NBAS: variants seen among roughly 807,000 people sequenced by gnomAD.
NBAS encodes the protein NBAS subunit of NRZ tethering complex.
NBAS carries 219 observed loss-of-function variants against 302.5 expected under a neutral mutation model. That is an observed-to-expected ratio of 0.72 (90% CI 0.65 to 0.81). NBAS has a LOEUF of 0.81. Ranked by LOEUF, NBAS falls within the 30% of genes least tolerant of loss-of-function variation. The pLI, the probability that NBAS is intolerant of heterozygous loss-of-function variation, is 0.00. For synonymous variants in NBAS, 1,118 were observed against 1,021.6 expected, an observed-to-expected ratio of 1.09 and a Z score of -1.80; for missense variants, 2,932 against 2,841.6, an observed-to-expected ratio of 1.03 and a Z score of -0.72.
intron 44 of NBAS, among the ~76,000 whole-genome samples, chr2:15,243,355 G>T (rs1667947670): frequency 6.6e-6 from 1 of 152,064 alleles, no homozygotes. Context: ...AACAATTAAG[G>T]AGAACATGGG....
chr2:14,788,573 T>G, the NBAS span, among the ~76,000 whole-genome samples: 1 of 152,178 alleles, frequency 6.6e-6, no homozygotes, highest in Non-Finnish European at 1.5e-5. Context: ...TGTTGGAGTT[T>G]GCTAGAGGTC....
the NBAS span, among the ~76,000 whole-genome samples, chr2:14,849,164 G>A: frequency 4.2e-5 from 6 of 141,336 alleles, no homozygotes; most frequent in Admixed American, 4.3e-4. Context: ...AGGCAAAGAA[G>A]TTGAAAACTT....
chr2:15,376,754 A>G (rs1202816108), intron 30 of NBAS, among the ~76,000 whole-genome samples: 8 of 152,168 alleles, frequency 5.3e-5, no homozygotes, highest in African/African-American at 1.9e-4. Flanking sequence ...CTAATTAATA[A>G]ATAATACTTT....
chr2:15,086,401 T>G, the NBAS span, among the ~76,000 whole-genome samples: 1 of 152,240 alleles, frequency 6.6e-6, no homozygotes, highest in African/African-American at 2.4e-5. Context: ...TCCACTTGTC[T>G]GCATACCTCA....
the NBAS span, among the ~76,000 whole-genome samples, chr2:14,824,639 C>T: frequency 6.6e-6 from 1 of 152,112 alleles, no homozygotes; most frequent in Non-Finnish European, 1.5e-5. Flanking sequence ...CTAAGGAATC[C>T]TCCAGGTGAA....
intron 12 of NBAS, among the ~76,000 whole-genome samples, chr2:15,487,599 C>T (rs1050242500): frequency 2.6e-5 from 4 of 152,090 alleles, no homozygotes; most frequent in Non-Finnish European, 4.4e-5. Flanking sequence ...GAAATATATG[C>T]CCTATAAATC....
At chr2:15,508,357 G>A (rs993588571) in intron 10 of NBAS, among the ~76,000 whole-genome samples, 1 of 152,178 alleles carries the variant, frequency 6.6e-6, no homozygotes, top group African/African-American at 2.4e-5. Flanking sequence ...AGAATTCAAA[G>A]AAACTAAGGT....
chr2:15,549,051 T>TTA (rs1316074246), intron 6 of NBAS, among the ~76,000 whole-genome samples: 5 of 152,194 alleles, frequency 3.3e-5, no homozygotes, highest in Non-Finnish European at 7.3e-5. Context: ...GTAACAGTAA[T>TTA]TATAACAATA....
At chr2:15,268,420 G>T (rs1043474779) in intron 44 of NBAS, among the ~76,000 whole-genome samples, 1 of 152,102 alleles carries the variant, frequency 6.6e-6, no homozygotes, top group Non-Finnish European at 1.5e-5. Flanking sequence ...CAAAGGCGTG[G>T]TTTTTTTAAA....
the NBAS span, among the ~76,000 whole-genome samples, chr2:15,032,067 T>C: frequency 6.6e-6 from 1 of 152,194 alleles, no homozygotes. Context: ...GTCGAGTTGT[T>C]TCCTGACCAC....
Position 15,292,657 on chromosome 2 carries a change from T to C in NBAS, c.4907A>G (p.Asn1636Ser), listed in dbSNP as rs1234973742. Reference sequence around the variant, plus strand: ...CTGAGTGAAATCCAGGAGACGTTCATTGTAGCAGTGTAACTGCTTGGTCAG... The same window carrying C: ...CTGAGTGAAATCCAGGAGACGTTCACTGTAGCAGTGTAACTGCTTGGTCAG... ...ISLTKQLHCYNERLLDFTQAQ... is the reference protein window; with the variant it reads ...ISLTKQLHCYSERLLDFTQAQ... Residue 1636 changes from asparagine to serine, a missense_variant, in exon 41 of 52, where the codon AAT becomes AGT. Transcript: ENST00000281513. 8.7e-6 allele frequency: 14 copies of C among 1,614,064 alleles called. No individual in the cohort carries two copies. The highest frequency in any genetic ancestry group is 2.7e-5 in the African/African-American group (2 of 74,916).
At chr2:15,180,811 T>C (rs1397715903) in intron 50 of NBAS, among the ~76,000 whole-genome samples, 1 of 152,228 alleles carries the variant, frequency 6.6e-6, no homozygotes, top group African/African-American at 2.4e-5. Flanking sequence ...TTAGGCAGTA[T>C]GGCTGCTGGG....
intron 23 of NBAS, among the ~76,000 whole-genome samples, chr2:15,421,101 C>T (rs571318574): frequency 5.3e-5 from 8 of 151,870 alleles, no homozygotes; most frequent in Non-Finnish European, 1.2e-4. Context: ...AAGTTCAAGT[C>T]CGAAAGAATA....
the NBAS span, among the ~76,000 whole-genome samples, chr2:15,048,593 G>A: frequency 6.6e-6 from 1 of 152,196 alleles, no homozygotes; most frequent in Non-Finnish European, 1.5e-5. Context: ...CCAAGGCCAG[G>A]CTGGCAGGGA....
the NBAS span, among the ~76,000 whole-genome samples, chr2:15,129,069 G>A: frequency 6.6e-6 from 1 of 152,238 alleles, no homozygotes; most frequent in African/African-American, 2.4e-5. Flanking sequence ...CCCAGCTGAT[G>A]CACAGCCGCA....
chr2:15,329,818 T>C (rs1388398695), intron 36 of NBAS, among the ~76,000 whole-genome samples: 1 of 152,148 alleles, frequency 6.6e-6, no homozygotes, highest in African/African-American at 2.4e-5. Flanking sequence ...AAACCTAACT[T>C]CTCTATCTTA....
Position 15,427,702 on chromosome 2 carries a change from C to A in NBAS, c.2423+9G>T. 1 of 1,601,526 alleles carries A rather than the reference C, an allele frequency of 6.2e-7. No homozygotes were observed. Among genetic ancestry groups the A allele is most frequent in the South Asian group, 1.1e-5 (1 of 89,570 alleles). On this transcript the variant is annotated intron_variant, in intron 22 of 51. Transcript: ENST00000281513. ...GAAACAAAGATGCCTCCTGCAGGCTCATACTGACCTGCAAGCCAACTCCTC... is the reference window on the plus strand; with the variant it reads ...GAAACAAAGATGCCTCCTGCAGGCTAATACTGACCTGCAAGCCAACTCCTC...
At chr2:15,081,789 AC>A in the NBAS span, among the ~76,000 whole-genome samples, 1 of 152,202 alleles carries the variant, frequency 6.6e-6, no homozygotes, top group Admixed American at 6.5e-5. Flanking sequence ...GATGGATCAC[AC>A]AGCCCCAGTT....
chr2:15,105,467 A>AAAG, the NBAS span, among the ~76,000 whole-genome samples: 5 of 150,062 alleles, frequency 3.3e-5, no homozygotes, highest in African/African-American at 1.0e-4. Context: ...TACAAAAAAA[A>AAAG]AAAGAAAGAA....
Sources: allele counts gnomAD v4.1 joint callset (sites outside exome capture counted in the v4.1 genomes callset), GRCh38; gene constraint gnomAD v4.1.1; transcripts MANE v1.5; gene names NCBI Gene and HGNC (gene_info 2026-07-23, HGNC 2026-07-21).